SCMH1: variants seen among roughly 807,000 people sequenced by gnomAD.
SCMH1 encodes the protein Scm polycomb group protein homolog 1.
In SCMH1, 37 loss-of-function variants were observed where a neutral mutation model predicts 70.8. The observed-to-expected ratio is 0.52, with a 90% CI of 0.40 to 0.69. SCMH1 has a LOEUF of 0.69. SCMH1 is among the 30% of genes least tolerant of loss of function. The probability of loss-of-function intolerance (pLI) is 0.00; values close to 1 mark genes in which losing one functional copy is unlikely to be tolerated. For synonymous variants in SCMH1, 292 were observed against 307.4 expected (o/e 0.95, Z 0.52); for missense variants, 607 against 827.3 (o/e 0.73, Z 3.27).
intron 1 of SCMH1, among the ~76,000 whole-genome samples, chr1:41,202,491 G>A (rs944529256): frequency 6.6e-6 from 1 of 152,106 alleles, no homozygotes; most frequent in Non-Finnish European, 1.5e-5. Flanking sequence ...ACCAGGATTC[G>A]TGGTAGACTT....
At chr1:41,176,200 C>CAA (rs764569782) in intron 2 of SCMH1, among the ~76,000 whole-genome samples, 1 of 101,436 alleles carries the variant, frequency 9.9e-6, no homozygotes, top group African/African-American at 3.5e-5. Context: ...AAAAAAAAAA[C>CAA]AAAAAAAAAA....
At chr1:41,226,441 AGG>A (rs1660282890) in intron 1 of SCMH1, among the ~76,000 whole-genome samples, 1 of 152,192 alleles carries the variant, frequency 6.6e-6, no homozygotes, top group African/African-American at 2.4e-5. Flanking sequence ...AGATGACATA[AGG>A]ATTACTTTTG....
chr1:41,161,323 G>C, intron 3 of SCMH1, 41 bp downstream of exon 3: 1 of 1,546,784 alleles, frequency 6.5e-7, no homozygotes, highest in Non-Finnish European at 8.7e-7. Context: ...AAGATGCCGA[G>C]TAAAATTTTT....
chr1:41,178,756 A>G (rs969343098), intron 2 of SCMH1, among the ~76,000 whole-genome samples: 19 of 152,212 alleles, frequency 1.2e-4, no homozygotes, highest in African/African-American at 4.6e-4. Flanking sequence ...AGACCTACAA[A>G]GAGACTTAGA....
intron 5 of SCMH1, among the ~76,000 whole-genome samples, chr1:41,144,622 G>A (rs2148248240): frequency 6.6e-6 from 1 of 152,228 alleles, no homozygotes; most frequent in South Asian, 2.1e-4. Flanking sequence ...ATACTTATGA[G>A]TGAAACTGCT....
intron 1 of SCMH1, among the ~76,000 whole-genome samples, chr1:41,213,292 G>T (rs2148810835): frequency 1.3e-5 from 2 of 152,292 alleles, no homozygotes; most frequent in Middle Eastern, 6.8e-3. Context: ...ACAAGTATTG[G>T]TAAAATTTAG....
intron 5 of SCMH1, among the ~76,000 whole-genome samples, chr1:41,144,093 AG>A (rs1483694223): frequency 2.6e-5 from 4 of 152,204 alleles, no homozygotes; most frequent in Non-Finnish European, 5.9e-5. Flanking sequence ...ATCACATGGT[AG>A]GTATATGTTT....
At position 41,185,785 on chromosome 1, in the gene SCMH1, G is replaced by A. The variant is rs1005677235; in HGVS notation, c.13+336C>T. On this transcript the variant is annotated intron_variant, in intron 2 of 14. Coordinates refer to ENST00000337495, the Ensembl canonical transcript of SCMH1. ...CAAGTAGCTGGGATTACAGGCATGCGCCACCATGCCCACCAGTTTTGTATT... is the reference window on the plus strand; with the variant it reads ...CAAGTAGCTGGGATTACAGGCATGCACCACCATGCCCACCAGTTTTGTATT... 4.0e-5 allele frequency among the ~76,000 whole-genome samples: 6 copies of A among 151,610 alleles called. 1 individual carries two copies. The highest frequency in any genetic ancestry group is 1.2e-4 in the African/African-American group (5 of 41,258).
chr1:41,189,260 C>T (rs778903593), intron 1 of SCMH1, among the ~76,000 whole-genome samples: 5 of 152,214 alleles, frequency 3.3e-5, no homozygotes, highest in Non-Finnish European at 7.3e-5. Context: ...AGCGATTCTC[C>T]TGCCTCAGCC....
rs541560710 is a variant in SCMH1, at chr1:41,110,219, A to G, written c.745+3064T>C. Among the ~76,000 whole-genome samples, 21 of 152,252 alleles carry G rather than the reference A, an allele frequency of 1.4e-4. 1 individual carries two copies. The South Asian group carries it at 2.5e-3, about 18-fold the overall frequency. ...TCTCCACCTCAGTGCAACTATCCTA[A>G]TCCAAGCAACCTCATTTCTTCCTTG... On this transcript the variant is annotated intron_variant, in intron 8 of 14. Transcript: ENST00000337495.
At chr1:41,152,317 A>C (rs1425575441) in intron 4 of SCMH1, among the ~76,000 whole-genome samples, 1 of 152,192 alleles carries the variant, frequency 6.6e-6, no homozygotes, top group Admixed American at 6.5e-5. Context: ...AAGAACTGTT[A>C]ATTTAGAGCA....
intron 13 of SCMH1, among the ~76,000 whole-genome samples, chr1:41,030,759 C>T (rs565123949): frequency 2.8e-4 from 42 of 152,300 alleles, no homozygotes; most frequent in Non-Finnish European, 4.7e-4. Context: ...ACAATATAAG[C>T]TCTCTCTTGT....
chr1:41,114,681 C>CTCTCTT (rs1268435152), intron 7 of SCMH1, among the ~76,000 whole-genome samples: 2 of 151,728 alleles, frequency 1.3e-5, no homozygotes, highest in Admixed American at 6.6e-5. Flanking sequence ...CTCTCTCTCT[C>CTCTCTT]TCTTTCTTTT....
chr1:41,028,168 TGGTTGTCTA>T (rs767704177), exon 15 of SCMH1: 1 of 1,613,616 alleles, frequency 6.2e-7, no homozygotes, highest in Non-Finnish European at 8.5e-7. Context: ...TGCTGCCACT[TGGTTGTCTA>T]GGCTGCCTCT....
At chr1:41,196,416 A>G (rs1424384863) in intron 1 of SCMH1, among the ~76,000 whole-genome samples, 2 of 152,172 alleles carry the variant, frequency 1.3e-5, no homozygotes, top group African/African-American at 4.8e-5. Context: ...GTTAATTTTC[A>G]ATAAAAGTCC....
intron 2 of SCMH1, among the ~76,000 whole-genome samples, chr1:41,177,224 C>G (rs1200148058): frequency 1.3e-5 from 2 of 152,118 alleles, no homozygotes; most frequent in African/African-American, 2.4e-5. Flanking sequence ...GACATCCACA[C>G]CAAAACCCCA....
intron 5 of SCMH1, among the ~76,000 whole-genome samples, chr1:41,145,749 T>C (rs1177241521): frequency 6.6e-6 from 1 of 152,182 alleles, no homozygotes; most frequent in East Asian, 1.9e-4. Context: ...AAGACTACAA[T>C]GGAGCTAAAA....
chr1:41,205,563 G>C (rs1655343991), intron 1 of SCMH1, among the ~76,000 whole-genome samples: 1 of 152,198 alleles, frequency 6.6e-6, no homozygotes, highest in Admixed American at 6.5e-5. Flanking sequence ...GCTGAGGCTT[G>C]AGTAGGTAAA....
At chr1:41,149,916 G>A (rs560758668) in intron 5 of SCMH1, among the ~76,000 whole-genome samples, 64 of 152,252 alleles carry the variant, frequency 4.2e-4, no homozygotes, top group African/African-American at 1.3e-3. Flanking sequence ...TAAAATGGTA[G>A]TCTTTTCCTG....
Sources: gnomAD v4.1 joint callset for allele counts (sites outside exome capture counted in the v4.1 genomes callset) on GRCh38, gnomAD v4.1.1 for gene constraint, MANE v1.5 for transcripts, NCBI Gene and HGNC (gene_info 2026-07-23, HGNC 2026-07-21) for gene names.